Variants in OR5B2 observed in about 807,000 individuals in gnomAD.
The protein encoded by OR5B2 is olfactory receptor 5B2.
For missense variants in OR5B2, 411 were observed against 367.0 expected (o/e 1.12, Z -0.98); for synonymous variants, 163 against 140.8 (o/e 1.16, Z -1.11).
chr11:58,426,319 C>T (rs962791835), intron 2 of OR5B2, among the ~76,000 whole-genome samples: 1 of 151,976 alleles, frequency 6.6e-6, no homozygotes, highest in Non-Finnish European at 1.5e-5. Flanking sequence ...CTGATCCTCT[C>T]CCTCCTCCTA....
At chr11:58,427,272 C>G (rs982194398) in intron 1 of OR5B2, among the ~76,000 whole-genome samples, 2 of 152,066 alleles carry the variant, frequency 1.3e-5, no homozygotes, top group African/African-American at 4.8e-5. Context: ...AGGAAGAACA[C>G]CAGTGTATTT....
Position 58,422,897 on chromosome 11 carries a change from G to A in OR5B2, c.365C>T (p.Ala122Val). ...LLASMAYDRY[A>V]AVCKPLHYTT... Reference sequence around the variant, plus strand: ...GTAGTGTAGGGGTTTGCACACTGCTGCATAGCGGTCATAGGCCATTGAGGC... The same window carrying A: ...GTAGTGTAGGGGTTTGCACACTGCTACATAGCGGTCATAGGCCATTGAGGC... Residue 122 changes from alanine to valine, a missense_variant, in exon 3 of 3, where the codon GCA becomes GTA. Transcript: ENST00000641342. 6.2e-7 allele frequency: 1 copy of A among 1,613,836 alleles called. No individual in the cohort carries two copies. The highest frequency in any genetic ancestry group is 8.5e-7 in the Non-Finnish European group (1 of 1,179,866).
In OR5B2 at chr11:58,423,309, A is replaced by T. The variant is rs776468954; in HGVS notation, c.-28-20T>A. On this transcript the variant is annotated intron_variant, in intron 2 of 2. Transcript: ENST00000641342. ...GATGACCTGTAGCAATGAGAAATAA[A>T]GCAATAGAGTGATAAACAAAAAAAG... 1.7e-6 allele frequency: 2 copies of T among 1,161,774 alleles called. No individual in the cohort carries two copies. The highest frequency in any genetic ancestry group is 2.5e-6 in the Non-Finnish European group (2 of 815,042). 72.0% of individuals were successfully genotyped at this position (1,161,774 alleles called of 1,614,324 possible).
chr11:58,422,247 T>A lies in OR5B2; in HGVS notation c.*85A>T. On this transcript the variant is annotated 3_prime_UTR_variant, in exon 3 of 3. Coordinates refer to ENST00000641342, the MANE Select transcript of OR5B2 (RefSeq NM_001005566.3). ...TCATGAACTTAAATGTATTGTGGGG[T>A]TTCAAATGTAACTCATTGCATGAGG... 1.3e-6 allele frequency: 1 copy of A among 759,928 alleles called. No individual in the cohort carries two copies. The highest frequency in any genetic ancestry group is 2.2e-6 in the Non-Finnish European group (1 of 451,946). 47.1% of individuals were successfully genotyped at this position (759,928 alleles called of 1,614,324 possible).
Position 58,422,899 on chromosome 11 carries a change from A to G in OR5B2, c.363T>C (p.Tyr121=), listed in dbSNP as rs772427528. 4 of 1,613,760 alleles carry G rather than the reference A, an allele frequency of 2.5e-6. No individual in the cohort carries two copies. Among genetic ancestry groups the G allele is most frequent in the Non-Finnish European group, 2.5e-6 (3 of 1,179,884 alleles). ...YLLASMAYDR[Y]AAVCKPLHYT... The stretch of plus-strand genomic sequence containing the variant: ...AGTGTAGGGGTTTGCACACTGCTGC[A>G]TAGCGGTCATAGGCCATTGAGGCCA... Residue 121 remains tyrosine (Y), a synonymous_variant, in exon 3 of 3, where the codon TAT becomes TAC. Coordinates refer to ENST00000641342, the MANE Select transcript of OR5B2 (RefSeq NM_001005566.3).
At chr11:58,425,278 A>G (rs955485246) in intron 2 of OR5B2, among the ~76,000 whole-genome samples, 6 of 151,994 alleles carry the variant, frequency 3.9e-5, no homozygotes, top group African/African-American at 1.4e-4. Context: ...CATTTTTTTC[A>G]TCTTCTTTAG....
rs1855281104 is a variant in OR5B2, at chr11:58,422,160, C to A, written c.*172G>T. 4.1e-6 allele frequency: 2 copies of A among 492,194 alleles called. No individual in the cohort carries two copies. Among genetic ancestry groups the A allele is most frequent in the African/African-American group, 3.9e-5 (2 of 51,926 alleles). The allele number at this position is 492,194 out of a possible 1,614,324, so 30.5% of individuals were successfully genotyped here. A position where few individuals can be genotyped will look rare whatever the true frequency, so the allele number is the denominator to read the frequency against. ...TTTAGCCTTCCTCATTCAGGTATTA[C>A]ATTTCTGATAATATTTTATTTTTAT... On this transcript the variant is annotated 3_prime_UTR_variant, in exon 3 of 3. Coordinates refer to ENST00000641342, the MANE Select transcript of OR5B2 (RefSeq NM_001005566.3).
chr11:58,423,865 C>A (rs1855310619), intron 2 of OR5B2, among the ~76,000 whole-genome samples: 1 of 152,122 alleles, frequency 6.6e-6, no homozygotes, highest in South Asian at 2.1e-4. Context: ...AAGCAATTTA[C>A]AATTACTCAT....
chr11:58,425,880 C>T (rs947678483), intron 2 of OR5B2, among the ~76,000 whole-genome samples: 15 of 152,024 alleles, frequency 9.9e-5, no homozygotes, highest in Middle Eastern at 3.2e-3. Context: ...TGCAGTCATA[C>T]ATTATGGGTC....
chr11:58,426,173 G>T (rs541956159), intron 2 of OR5B2, among the ~76,000 whole-genome samples: 2,993 of 148,856 alleles, frequency 0.02, 148 homozygotes, highest in African/African-American at 0.073. Context: ...TTTGTTTTTT[G>T]TTTTTTTGCT....
intron 2 of OR5B2, among the ~76,000 whole-genome samples, chr11:58,425,270 T>C (rs1428784979): frequency 6.6e-6 from 1 of 152,048 alleles, no homozygotes; most frequent in Admixed American, 6.6e-5. Context: ...ATCTATCTCA[T>C]TTTTTTCATC....
chr11:58,427,692 G>A (rs1415382225), intron 1 of OR5B2, among the ~76,000 whole-genome samples: 1 of 152,168 alleles, frequency 6.6e-6, no homozygotes, highest in African/African-American at 2.4e-5. Context: ...ACAGACAGCA[G>A]CCCAAATGGA....
At position 58,422,263 on chromosome 11, in the gene OR5B2, T is replaced by C. The variant is rs1343231251; in HGVS notation, c.*69A>G. 1.1e-6 allele frequency: 1 copy of C among 913,604 alleles called. No homozygotes were observed. Among genetic ancestry groups the C allele is most frequent in the South Asian group, 1.6e-5 (1 of 63,134 alleles). 56.6% of individuals were successfully genotyped at this position (913,604 alleles called of 1,614,324 possible). On this transcript the variant is annotated 3_prime_UTR_variant, in exon 3 of 3. Coordinates refer to ENST00000641342, the MANE Select transcript of OR5B2 (RefSeq NM_001005566.3). ...ATTGTGGGGTTTCAAATGTAACTCA[T>C]TGCATGAGGAAAGTCTGAGATGAGG...
At chr11:58,426,151 G>T (rs1370015933) in intron 2 of OR5B2, among the ~76,000 whole-genome samples, 3,056 of 149,256 alleles carry the variant, frequency 0.02, 152 homozygotes, top group African/African-American at 0.075. Flanking sequence ...GATTTTTTGT[G>T]TGTATAAGGG....
At position 58,422,192 on chromosome 11, in the gene OR5B2, A is replaced by G. The variant is rs1855281484; in HGVS notation, c.*140T>C. Reference sequence around the variant, plus strand: ...GATAATATTTTATTTTTATTAAAAAATTGACTTCTAAAGAGGTAAGAATAT... The same window carrying G: ...GATAATATTTTATTTTTATTAAAAAGTTGACTTCTAAAGAGGTAAGAATAT... On this transcript the variant is annotated 3_prime_UTR_variant, in exon 3 of 3. Transcript: ENST00000641342. The G allele has an allele frequency of 6.0e-6, 3 of 500,004 alleles. No homozygotes were observed. The highest frequency in any genetic ancestry group is 1.1e-5 in the Non-Finnish European group (3 of 282,270). 31.0% of individuals were successfully genotyped at this position (500,004 alleles called of 1,614,324 possible).
rs941822025 is a variant in OR5B2 at position 58,422,740 on chromosome 11, G to C, written c.522C>G (p.His174Gln). Residue 174 changes from histidine to glutamine, a missense_variant, in exon 3 of 3, where the codon CAC becomes CAG. Physicochemically the swap from His to Gln is conservative, Grantham distance 24 (BLOSUM62 0). Transcript: ENST00000641342. ...LSFCKSNLVHHFFCDVPAVMA... is the reference protein window; with the variant it reads ...LSFCKSNLVHQFFCDVPAVMA... Reference sequence around the variant, plus strand: ...TGACTGCTGGAACATCACAGAAAAAGTGATGTACCAGATTGGATTTACAGA... The same window carrying C: ...TGACTGCTGGAACATCACAGAAAAACTGATGTACCAGATTGGATTTACAGA... 1.2e-6 allele frequency: 2 copies of C among 1,613,820 alleles called. No homozygotes were observed. Among genetic ancestry groups the C allele is most frequent in the Non-Finnish European group, 1.7e-6 (2 of 1,179,896 alleles).
In OR5B2 at chr11:58,422,427, T is replaced by G; in HGVS notation, c.835A>C (p.Ile279Leu). The change falls in exon 3 of 3, where the codon ATC (isoleucine) becomes CTC (leucine). Residue 279 changes from isoleucine (I) to leucine (L), a missense_variant. Coordinates refer to ENST00000641342, the MANE Select transcript of OR5B2 (RefSeq NM_001005566.3). The part of the protein sequence containing the change: ...DKMASVFYAM[I>L]IPMLNPVVYS... ...ACCACAGGGTTCAGCATGGGGATGA[T>G]CATAGCATAGAACACAGATGCCATT... 6.2e-7 allele frequency: 1 copy of G among 1,613,672 alleles called. No individual in the cohort carries two copies. The highest frequency in any genetic ancestry group is 8.5e-7 in the Non-Finnish European group (1 of 1,179,760).
intron 1 of OR5B2, among the ~76,000 whole-genome samples, chr11:58,426,963 C>T (rs1312873871): frequency 6.6e-6 from 1 of 152,096 alleles, no homozygotes; most frequent in Non-Finnish European, 1.5e-5. Flanking sequence ...GTTGCAGACT[C>T]AGAGTAATAT....
chr11:58,427,295 G>A (rs748233379), intron 1 of OR5B2, among the ~76,000 whole-genome samples: 3 of 152,082 alleles, frequency 2.0e-5, no homozygotes, highest in African/African-American at 4.8e-5. Flanking sequence ...TTTACTCAGG[G>A]TTATTTCTTC....
Sources: gnomAD v4.1 joint callset for allele counts (sites outside exome capture counted in the v4.1 genomes callset) on GRCh38, gnomAD v4.1.1 for gene constraint, MANE v1.5 for transcripts, NCBI Gene and HGNC (gene_info 2026-07-23, HGNC 2026-07-21) for gene names.